The following MED13L variants were observed in gnomAD, a reference collection of about 807,000 sequenced individuals.
MED13L encodes the protein mediator complex subunit 13L, also known as mediator of RNA polymerase II transcription subunit 13-like.
MED13L carries 7 observed loss-of-function variants against 220.9 expected under a neutral mutation model. That is an observed-to-expected ratio of 0.03 (90% confidence interval 0.02 to 0.06). The LOEUF is 0.06. Among genes scored for constraint, MED13L ranks in the 10% least tolerant of loss-of-function variants. The probability of loss-of-function intolerance (pLI) is 1.00; values close to 1 mark genes in which losing one functional copy is unlikely to be tolerated. For synonymous variants in MED13L, 1,011 were observed against 1,015.2 expected (o/e 1.00, Z 0.08); for missense variants, 1,965 against 2,760.5 (o/e 0.71, Z 6.46).
At chr12:116,224,568 T>A (rs934185437) in intron 2 of MED13L, among the ~76,000 whole-genome samples, 2 of 152,208 alleles carry the variant, frequency 1.3e-5, no homozygotes, top group African/African-American at 4.8e-5. Flanking sequence ...GTATTCTACA[T>A]AGCACCTAAA....
chr12:116,062,468 GTCTC>G lies in MED13L; in HGVS notation c.479+34197_479+34200del, dbSNP rs746975088. ...CTTCATAGGAAATGAATAGAATAGT[GTCTC>G]TCTCTCTCTCTCTGTGTTTTTTTTT... On this transcript the variant is annotated intron_variant, in intron 4 of 30. Transcript: ENST00000281928. 1.6e-3 allele frequency among the ~76,000 whole-genome samples: 235 copies of G among 142,720 alleles called. 1 individual carries two copies. The highest frequency in any genetic ancestry group is 9.1e-3 in the South Asian group (41 of 4,496). 93.6% of individuals were successfully genotyped at this position (142,720 alleles called of 152,430 possible).
chr12:116,134,215 T>C (rs1249836210), intron 2 of MED13L, among the ~76,000 whole-genome samples: 3 of 152,192 alleles, frequency 2.0e-5, no homozygotes, highest in Non-Finnish European at 4.4e-5. Flanking sequence ...TACTTCACAC[T>C]AGTTTTGCAG....
At chr12:116,260,186 T>C (rs2138553931) in intron 1 of MED13L, among the ~76,000 whole-genome samples, 1 of 152,324 alleles carries the variant, frequency 6.6e-6, no homozygotes, top group South Asian at 2.1e-4. Flanking sequence ...GCCAACTCTT[T>C]ACCTTCAGGG....
intron 23 of MED13L, among the ~76,000 whole-genome samples, chr12:115,979,760 T>C (rs919548003): frequency 2.0e-5 from 3 of 152,266 alleles, no homozygotes; most frequent in African/African-American, 7.2e-5. Flanking sequence ...ATACTTTTCA[T>C]GCAATAAAAT....
At chr12:116,121,994 T>C (rs1400372183) in intron 2 of MED13L, among the ~76,000 whole-genome samples, 1 of 152,186 alleles carries the variant, frequency 6.6e-6, no homozygotes, top group South Asian at 2.1e-4. Flanking sequence ...TAGATTTCAG[T>C]AACTAACGGC....
chr12:116,143,218 T>G (rs915162683), intron 2 of MED13L, among the ~76,000 whole-genome samples: 1 of 151,300 alleles, frequency 6.6e-6, no homozygotes, highest in Non-Finnish European at 1.5e-5. Flanking sequence ...TTTCAAAATA[T>G]AGTACACCTG....
intron 1 of MED13L, 134 bp downstream of exon 1, chr12:116,276,926 G>A: frequency 9.4e-7 from 1 of 1,068,726 alleles, no homozygotes; most frequent in East Asian, 2.7e-5. Context: ...GAGAATCGGC[G>A]AGAGGCGAAC....
chr12:116,023,089 A>T (rs1480062265), intron 4 of MED13L, among the ~76,000 whole-genome samples: 2 of 152,198 alleles, frequency 1.3e-5, no homozygotes, highest in African/African-American at 4.8e-5. Flanking sequence ...TGAGGCCAGA[A>T]TTCAAAACCA....
At chr12:116,250,025 T>TAAAAAAAAA (rs71095516) in intron 1 of MED13L, among the ~76,000 whole-genome samples, 2 of 40,464 alleles carry the variant, frequency 4.9e-5, no homozygotes, top group East Asian at 8.8e-4. Flanking sequence ...CAGCATAAAC[T>TAAAAAAAAA]AAAAAAAAAA....
rs1239046756 is a variant in MED13L, at chr12:116,247,854, A to C, written c.73-10149T>G. 2.0e-5 allele frequency among the ~76,000 whole-genome samples: 3 copies of C among 152,238 alleles called. No homozygotes were observed. The East Asian group carries it at 5.8e-4, about 29-fold the overall frequency. ...TATAAGGGCTCAGAGGTTTTATTTGACAATAAGTTTACTACAATTAAACAA... is the reference window on the plus strand; with the variant it reads ...TATAAGGGCTCAGAGGTTTTATTTGCCAATAAGTTTACTACAATTAAACAA... On this transcript the variant is annotated intron_variant, in intron 1 of 30. Coordinates refer to ENST00000281928, the MANE Select transcript of MED13L (RefSeq NM_015335.5).
At chr12:116,052,633 C>A (rs1292460806) in intron 4 of MED13L, among the ~76,000 whole-genome samples, 1 of 152,172 alleles carries the variant, frequency 6.6e-6, no homozygotes, top group Non-Finnish European at 1.5e-5. Flanking sequence ...ACAAAAATCA[C>A]TAATCATGTG....
At chr12:116,240,262 A>G (rs921474100) in intron 1 of MED13L, among the ~76,000 whole-genome samples, 1 of 151,776 alleles carries the variant, frequency 6.6e-6, no homozygotes, top group South Asian at 2.1e-4. Context: ...ACACCTGGCT[A>G]ATTTTTGTAT....
intron 12 of MED13L, 117 bp from the exon 13 acceptor site, chr12:116,006,110 T>C (rs1277960651): frequency 2.8e-6 from 4 of 1,443,350 alleles, no homozygotes; most frequent in Non-Finnish European, 3.8e-6. Flanking sequence ...CCTATGGTTT[T>C]AGTTAAATTT....
rs747373053 is a variant in MED13L, at chr12:115,986,251, CA to C, written c.4338+14del. 6.8e-6 allele frequency: 11 copies of C among 1,610,486 alleles called. No homozygotes were observed. The highest frequency in any genetic ancestry group is 1.7e-5 in the Admixed American group (1 of 60,002). On this transcript the variant is annotated intron_variant, in intron 19 of 30. Coordinates refer to ENST00000281928, the MANE Select transcript of MED13L (RefSeq NM_015335.5). The stretch of plus-strand genomic sequence containing the variant: ...TCCAAGTCATAAAAAGCAATTTTCA[CA>C]GTAACTTCCTCACCTCGTATACAGC...
At chr12:116,255,574 G>T (rs1352464178) in intron 1 of MED13L, among the ~76,000 whole-genome samples, 1 of 152,164 alleles carries the variant, frequency 6.6e-6, no homozygotes, top group Non-Finnish European at 1.5e-5. Flanking sequence ...GTGAGAAAAT[G>T]AAAAGGCACA....
intron 16 of MED13L, among the ~76,000 whole-genome samples, chr12:115,993,011 C>A (rs1447737504): frequency 1.3e-5 from 2 of 149,456 alleles, no homozygotes; most frequent in South Asian, 2.1e-4. Context: ...AAAAAAAAAA[C>A]AACAGTTAAA....
rs768668777 is a variant in MED13L at position 116,271,625 on chromosome 12, CAAAAAAA to C, written c.72+5428_72+5434del. ...TGGGCCACAGAGCCAGACTCCGTCT[CAAAAAAA>C]AAAAAAAAAGAAACGTTATGACAAA... On this transcript the variant is annotated intron_variant, in intron 1 of 30. Coordinates refer to ENST00000281928, the MANE Select transcript of MED13L (RefSeq NM_015335.5). Among the ~76,000 whole-genome samples, 4 of 69,118 alleles carry C rather than the reference CAAAAAAA, an allele frequency of 5.8e-5. No homozygotes were observed. The Middle Eastern group carries it at 0.023, about 405-fold the overall frequency. 45.3% of individuals were successfully genotyped at this position (69,118 alleles called of 152,430 possible). A position where few individuals can be genotyped will look rare whatever the true frequency, so the allele number is the denominator to read the frequency against.
intron 4 of MED13L, among the ~76,000 whole-genome samples, chr12:116,062,468 GTC>G (rs746975088): frequency 2.5e-4 from 36 of 142,500 alleles, no homozygotes; most frequent in South Asian, 4.4e-4. Flanking sequence ...ATAGAATAGT[GTC>G]TCTCTCTCTC....
chr12:116,274,987 GC>G (rs894084021), intron 1 of MED13L, among the ~76,000 whole-genome samples: 6 of 138,608 alleles, frequency 4.3e-5, no homozygotes, highest in African/African-American at 1.6e-4. Flanking sequence ...CCTTACTTAA[GC>G]TTTAAAAAAA....
Sources: gnomAD v4.1 joint callset for allele counts (sites outside exome capture counted in the v4.1 genomes callset) on GRCh38, gnomAD v4.1.1 for gene constraint, MANE v1.5 for transcripts, NCBI Gene and HGNC (gene_info 2026-07-23, HGNC 2026-07-21) for gene names.